ULK1: variants seen among roughly 807,000 people sequenced by gnomAD.
ULK1 encodes serine/threonine-protein kinase ULK1.
A neutral mutation model predicts 117.5 loss-of-function variants in ULK1; 48 were observed. The ratio of observed to expected loss-of-function variants is 0.41; its 90% CI spans 0.32 to 0.52. ULK1 has a LOEUF of 0.52. ULK1 is among the 20% of genes least tolerant of loss of function. The pLI is 0.29. For synonymous variants in ULK1, 790 were observed against 637.8 expected (o/e 1.24, Z -3.60); for missense variants, 1,387 against 1,473.4 (o/e 0.94, Z 0.96).
At position 131,917,069 on chromosome 12, in the gene ULK1, G is replaced by T; in HGVS notation, c.2182+7G>T. ...GAGAAGCCCATGGAGATCGGTGTGTGGGTGGGTGGGGCTCGGAGGCTGTGG... is the reference window on the plus strand; with the variant it reads ...GAGAAGCCCATGGAGATCGGTGTGTTGGTGGGTGGGGCTCGGAGGCTGTGG... On this transcript the variant is annotated splice_region_variant and intron_variant, in intron 21 of 27. Coordinates refer to ENST00000321867, the MANE Select transcript of ULK1 (RefSeq NM_003565.4). 2.1e-6 allele frequency: 3 copies of T among 1,408,746 alleles called. No homozygotes were observed. Among genetic ancestry groups the T allele is most frequent in the Non-Finnish European group, 1.9e-6 (2 of 1,051,186 alleles). The allele number at this position is 1,408,746 out of a possible 1,614,324, so 87.3% of individuals were successfully genotyped here. A position where few individuals can be genotyped will look rare whatever the true frequency, so the allele number is the denominator to read the frequency against.
Position 131,895,116 on chromosome 12 carries a change from A to G in ULK1, c.111+4A>G. ...CTTCAAGGGCCGCCACCGCGAGGTGAGGCCCCCGTCCGGCCCGGGATCCCC... is the reference window on the plus strand; with the variant it reads ...CTTCAAGGGCCGCCACCGCGAGGTGGGGCCCCCGTCCGGCCCGGGATCCCC... On this transcript the variant is annotated splice_donor_region_variant and intron_variant, in intron 1 of 27. Transcript: ENST00000321867. The G allele has an allele frequency of 6.5e-7, 1 of 1,535,070 alleles. No individual in the cohort carries two copies. The highest frequency in any genetic ancestry group is 2.1e-5 in the Admixed American group (1 of 48,502).
At chr12:131,918,922 C>T (rs1314379680) in intron 23 of ULK1, among the ~76,000 whole-genome samples, 19 of 3,474 alleles carry the variant, frequency 5.5e-3, no homozygotes, top group Admixed American at 7.9e-3. Flanking sequence ...GTGTGGGGTG[C>T]AGGGTGTGTG....
intron 5 of ULK1, among the ~76,000 whole-genome samples, chr12:131,908,042 G>A (rs1373154633): frequency 6.6e-6 from 1 of 152,014 alleles, no homozygotes; most frequent in Non-Finnish European, 1.5e-5. Flanking sequence ...GTGTCCTGAG[G>A]GTCTGGAGGT....
intron 15 of ULK1, 152 bp from the exon 16 acceptor site, chr12:131,914,200 C>T (rs1273403527): frequency 1.6e-6 from 2 of 1,276,278 alleles, no homozygotes; most frequent in East Asian, 4.8e-5. Context: ...GGCATGGAAG[C>T]CGGCTCTTTT....
At chr12:131,910,184 C>G in intron 10 of ULK1, 70 bp from the exon 11 acceptor site, 1 of 1,600,228 alleles carries the variant, frequency 6.2e-7, no homozygotes, top group Non-Finnish European at 8.6e-7. Context: ...GAGCTCAGGC[C>G]GTGGGGAGGC....
intron 3 of ULK1, chr12:131,897,051 A>C (rs945974330): frequency 1.1e-4 from 16 of 152,250 alleles, no homozygotes; most frequent in African/African-American, 3.1e-4. Flanking sequence ...CATCCCAGTC[A>C]GCCACACACA....
At chr12:131,901,739 G>A (rs1377597720) in intron 3 of ULK1, among the ~76,000 whole-genome samples, 2 of 152,180 alleles carry the variant, frequency 1.3e-5, no homozygotes, top group African/African-American at 4.8e-5. Flanking sequence ...ATCTGTCCGC[G>A]ATGGCTGGGG....
intron 8 of ULK1, among the ~76,000 whole-genome samples, chr12:131,909,484 A>G (rs979359864): frequency 6.6e-6 from 1 of 152,058 alleles, no homozygotes; most frequent in Admixed American, 6.5e-5. Flanking sequence ...TCGCCTGTCT[A>G]GTCGCCTGTC....
At chr12:131,916,711 G>A in intron 20 of ULK1, 120 bp downstream of exon 20, 1 of 1,295,740 alleles carries the variant, frequency 7.7e-7, no homozygotes, top group Non-Finnish European at 1.0e-6. Context: ...CCTTCTGTGG[G>A]TGCCCAGTGT....
chr12:131,910,052 AT>A (rs759734849), intron 10 of ULK1, 51 bp downstream of exon 10: 83 of 1,602,504 alleles, frequency 5.2e-5, no homozygotes, highest in Non-Finnish European at 6.9e-5. Flanking sequence ...CCTTCCTTGC[AT>A]TTGCTGATGT....
intron 13 of ULK1, 109 bp from the exon 14 acceptor site, chr12:131,913,089 C>A (rs1265490540): frequency 1.9e-6 from 2 of 1,044,714 alleles, no homozygotes; most frequent in East Asian, 3.1e-5. Flanking sequence ...CGAGCTGAGG[C>A]CCCTGCAAGG....
intron 3 of ULK1, among the ~76,000 whole-genome samples, chr12:131,899,733 T>C (rs1741523453): frequency 1.3e-5 from 2 of 152,228 alleles, no homozygotes; most frequent in South Asian, 4.1e-4. Flanking sequence ...CCATGGCCCC[T>C]GAGCCATTCT....
rs1408600654 is a variant in ULK1 at position 131,922,090 on chromosome 12, C to T, written c.*729C>T. The T allele has an allele frequency of 2.2e-6, 1 of 450,454 alleles. No individual in the cohort carries two copies. The highest frequency in any genetic ancestry group is 1.6e-5 in the South Asian group (1 of 64,276). The allele number at this position is 450,454 out of a possible 1,614,324, so 27.9% of individuals were successfully genotyped here. On this transcript the variant is annotated 3_prime_UTR_variant, in exon 28 of 28. Transcript: ENST00000321867. ...TTCCTCTGGGGACCGGCAGCAGAGGCACCGTGTTCTCTCAGCCCTGGATAC... is the reference window on the plus strand; with the variant it reads ...TTCCTCTGGGGACCGGCAGCAGAGGTACCGTGTTCTCTCAGCCCTGGATAC...
chr12:131,912,521 G>A (rs147824652), intron 13 of ULK1, among the ~76,000 whole-genome samples: 7 of 152,366 alleles, frequency 4.6e-5, no homozygotes, highest in African/African-American at 1.7e-4. Context: ...TTGAATGAAG[G>A]TGCCTAAACT....
rs543589162 is a variant in ULK1, at chr12:131,918,470, G to A, written c.2327-27G>A. 12 of 1,600,376 alleles carry A rather than the reference G, an allele frequency of 7.5e-6. No homozygotes were observed. In the South Asian group the frequency reaches 7.8e-5, roughly 10 times the overall value. On this transcript the variant is annotated intron_variant, in intron 22 of 27. Coordinates refer to ENST00000321867, the MANE Select transcript of ULK1 (RefSeq NM_003565.4). ...GGCCACGGTGTCTGCTGGTCCTGGT[G>A]TGCCCCTCATCGCCCTCTCCCTGCA...
rs976666041 is a variant in ULK1, at chr12:131,915,162, G to A, written c.1453G>A (p.Glu485Lys). 1.9e-6 allele frequency: 3 copies of A among 1,605,024 alleles called. No homozygotes were observed. The highest frequency in any genetic ancestry group is 3.4e-5 in the Admixed American group (2 of 58,684). ...RASPSPPAHAEHGGVLARKMS... is the reference protein window; with the variant it reads ...RASPSPPAHAKHGGVLARKMS... Reference sequence around the variant, plus strand: ...CAGCCCCTCGCCCCCTGCCCACGCTGAGCATGGAGGCGTCCTGGCCAGGAA... The same window carrying A: ...CAGCCCCTCGCCCCCTGCCCACGCTAAGCATGGAGGCGTCCTGGCCAGGAA... The change falls in exon 17 of 28, where the codon GAG becomes AAG. Residue 485 changes from glutamate (E) to lysine (K), a missense_variant. By Grantham distance (56) the Glu-to-Lys change is moderately conservative. Around this residue, in one of 4 missense-constraint regions of ULK1, gnomAD observed 900 missense variants for 858.9 expected, o/e 1.05. Coordinates refer to ENST00000321867, the MANE Select transcript of ULK1 (RefSeq NM_003565.4).
chr12:131,918,442 G>T, intron 22 of ULK1, 55 bp from the exon 23 acceptor site: 1 of 1,544,578 alleles, frequency 6.5e-7, no homozygotes, highest in East Asian at 2.4e-5. Context: ...GGGGATGGAT[G>T]GGGGCCACGG....
chr12:131,917,552 C>T lies in ULK1; in HGVS notation c.2324C>T (p.Ser775Leu). The T allele has an allele frequency of 7.0e-7, 1 of 1,424,566 alleles. No homozygotes were observed. Among genetic ancestry groups the T allele is most frequent in the African/African-American group, 1.5e-5 (1 of 67,752 alleles). The allele number at this position is 1,424,566 out of a possible 1,614,324, so 88.2% of individuals were successfully genotyped here. A position where few individuals can be genotyped will look rare whatever the true frequency, so the allele number is the denominator to read the frequency against. ...CAGGGCCCCCGCACCAGGATGTTCT[C>T]AGGTGAGGGCTGGCTAGGCTGAAGC... ...PPQGPRTRMFSAGPTGSASSS... is the reference protein window; with the variant it reads ...PPQGPRTRMFLAGPTGSASSS... The change falls in exon 22 of 28, where the codon TCA becomes TTA. Residue 775 changes from serine (S) to leucine (L), a missense_variant and splice_region_variant. Around this residue, in one of 4 missense-constraint regions of ULK1, gnomAD observed 900 missense variants for 858.9 expected, o/e 1.05. Coordinates refer to ENST00000321867, the MANE Select transcript of ULK1 (RefSeq NM_003565.4).
At chr12:131,920,469 C>T in intron 26 of ULK1, 2 of 334,920 alleles carry the variant, frequency 6.0e-6, no homozygotes, top group South Asian at 3.4e-5. Context: ...GACAACCTGC[C>T]TGGAAGTGTG....
Sources: allele counts gnomAD v4.1 joint callset (sites outside exome capture counted in the v4.1 genomes callset), GRCh38; gene constraint gnomAD v4.1.1; regional missense constraint gnomAD v4.1.1; transcripts MANE v1.5; gene names NCBI Gene and HGNC (gene_info 2026-07-23, HGNC 2026-07-21).